ADAMTS13: variants seen among roughly 807,000 people sequenced by gnomAD.
ADAMTS13 encodes the protein ADAM metallopeptidase with thrombospondin type 1 motif 13.
ADAMTS13 carries 110 observed loss-of-function variants against 155.1 expected under a neutral mutation model. The ratio of observed to expected loss-of-function variants is 0.71; its 90% CI spans 0.61 to 0.83. The LOEUF (loss-of-function observed/expected upper bound fraction) is 0.83. Among genes scored for constraint, ADAMTS13 ranks in the 40% least tolerant of loss-of-function variants. ADAMTS13 has a pLI of 0.00. For missense variants in ADAMTS13, 1,707 were observed against 1,891.7 expected (o/e 0.90, Z 1.81); for synonymous variants, 758 against 756.4 (o/e 1.00, Z -0.03).
chr9:133,414,483 G>T, exon 1 of ADAMTS13: 1 of 714,482 alleles, frequency 1.4e-6, no homozygotes, highest in Non-Finnish European at 2.5e-6. Context: ...GAAGAAGCAG[G>T]CCCTGCCTTA....
rs1842013270 is a variant in ADAMTS13 at position 133,445,697 on chromosome 9, A to G, written c.2611-2A>G. The G allele has an allele frequency of 6.2e-7, 1 of 1,612,854 alleles. No homozygotes were observed. Among genetic ancestry groups the G allele is most frequent in the African/African-American group, 1.3e-5 (1 of 74,914 alleles). On this transcript the variant is annotated splice_acceptor_variant, in intron 20 of 28. Transcript: ENST00000355699. LOFTEE classifies it high-confidence loss of function. This position sits in a 1 kb window ranked among gnomAD's most constrained non-coding sequence, Gnocchi z 5.0. ...CCACCAGCTTGTTGCTATTCCCCACAGCTGGATGCCACCTCTGCAGGGGAG... is the reference window on the plus strand; with the variant it reads ...CCACCAGCTTGTTGCTATTCCCCACGGCTGGATGCCACCTCTGCAGGGGAG...
At position 133,429,860 on chromosome 9, in the gene ADAMTS13, T is replaced by G. The variant is rs1554786583; in HGVS notation, c.825-79T>G. 2.0e-6 allele frequency: 3 copies of G among 1,517,088 alleles called. No individual in the cohort carries two copies. The South Asian group carries it at 3.6e-5, about 18-fold the overall frequency. 94.0% of individuals were successfully genotyped at this position (1,517,088 alleles called of 1,614,324 possible). The stretch of plus-strand genomic sequence containing the variant: ...GCCACGCTTCCAAACGCTTCCATCC[T>G]CGTGCCCACTCCTCCGTCCCGCCTC... On this transcript the variant is annotated intron_variant, in intron 7 of 28. Coordinates refer to ENST00000355699, the MANE Select transcript of ADAMTS13 (RefSeq NM_139027.6).
chr9:133,424,466 C>A lies in ADAMTS13; in HGVS notation c.318C>A (p.Thr106=). 1.2e-6 allele frequency: 2 copies of A among 1,613,686 alleles called. No homozygotes were observed. The highest frequency in any genetic ancestry group is 1.7e-6 in the Non-Finnish European group (2 of 1,179,822). The change falls in exon 3 of 29, where the codon ACC becomes ACA. Residue 106 remains threonine, a synonymous_variant. Transcript: ENST00000355699. This position sits in a 1 kb window ranked among gnomAD's most constrained non-coding sequence, Gnocchi z 4.3. ...HQEDTERYVL[T]NLNIGAELLR... ...AGGACACAGAGCGCTATGTGCTCAC[C>A]AACCTCAACATCGTGAGTGCCCCAC...
chr9:133,436,228 G>C (rs1460961927), intron 11 of ADAMTS13, among the ~76,000 whole-genome samples: 1 of 151,964 alleles, frequency 6.6e-6, no homozygotes, highest in East Asian at 1.9e-4. Context: ...GTGTGGGTTT[G>C]TCCCTGGCTG....
chr9:133,439,007 A>AT (rs1841465205), intron 14 of ADAMTS13, among the ~76,000 whole-genome samples: 1 of 152,106 alleles, frequency 6.6e-6, no homozygotes, highest in African/African-American at 2.4e-5. Flanking sequence ...ACACAAGTGA[A>AT]TGAGAGGGTT....
rs1588152942 is a variant in ADAMTS13 at position 133,425,679 on chromosome 9, C to T, written c.414+67C>T. 2.0e-6 allele frequency: 3 copies of T among 1,527,000 alleles called. No individual in the cohort carries two copies. The East Asian group carries it at 7.1e-5, about 36-fold the overall frequency. 94.6% of individuals were successfully genotyped at this position (1,527,000 alleles called of 1,614,324 possible). Reference sequence around the variant, plus strand: ...AAGCCCAAGTCATCGCATCTCCATCCTCTTTAACCTCTTGTCCCGGATGCC... The same window carrying T: ...AAGCCCAAGTCATCGCATCTCCATCTTCTTTAACCTCTTGTCCCGGATGCC... On this transcript the variant is annotated intron_variant, in intron 4 of 28. Transcript: ENST00000355699. This position sits in a 1 kb window ranked among gnomAD's most constrained non-coding sequence, Gnocchi z 4.6.
chr9:133,444,912 C>G lies in ADAMTS13; in HGVS notation c.2470C>G (p.Leu824Val), dbSNP rs1554792014. The G allele has an allele frequency of 6.2e-7, 1 of 1,613,386 alleles. No individual in the cohort carries two copies. The highest frequency in any genetic ancestry group is 1.7e-5 in the Admixed American group (1 of 60,018). The change falls in exon 20 of 29, where the codon CTG (leucine) becomes GTG (valine). Residue 824 changes from leucine (L) to valine (V), a missense_variant. Physicochemically the swap from Leu to Val is conservative, Grantham distance 32. Coordinates refer to ENST00000355699, the MANE Select transcript of ADAMTS13 (RefSeq NM_139027.6). Reference sequence around the variant, plus strand: ...ATGCACATCAGCTGGTGGAGCAGGCCTGGCCTTGGAGAACGAGACCTGTGT... The same window carrying G: ...ATGCACATCAGCTGGTGGAGCAGGCGTGGCCTTGGAGAACGAGACCTGTGT... ...SSCTSAGGAG[L>V]ALENETCVPG... is the part of the protein sequence containing the mutation.
intron 15 of ADAMTS13, 38 bp downstream of exon 15, chr9:133,439,484 C>A: frequency 6.4e-7 from 1 of 1,551,140 alleles, no homozygotes; most frequent in Non-Finnish European, 8.9e-7. Context: ...GTTAGCTAGA[C>A]TGCAAAGGTG....
chr9:133,458,981 A>T lies in ADAMTS13; in HGVS notation c.3917A>T (p.Asp1306Val). 3 of 1,613,032 alleles carry T rather than the reference A, an allele frequency of 1.9e-6. No homozygotes were observed. The highest frequency in any genetic ancestry group is 2.5e-6 in the Non-Finnish European group (3 of 1,179,918). ...CTGCCCCTTTTCTCTCAGATCCGGG[A>T]CACCCACAGCTTGAGGACCACAGCG... The part of the protein sequence containing the change: ...GANASYILIR[D>V]THSLRTTAFH... The change falls in exon 29 of 29, where the codon GAC becomes GTC. Residue 1306 changes from aspartate (D) to valine (V), a missense_variant. This residue lies in a region of ADAMTS13 where 961 missense variants were observed against 1,107.9 expected (regional missense o/e 0.87). Coordinates refer to ENST00000355699, the MANE Select transcript of ADAMTS13 (RefSeq NM_139027.6).
Position 133,425,479 on chromosome 9 carries a change from G to A in ADAMTS13, c.331-50G>A. 2 of 1,553,810 alleles carry A rather than the reference G, an allele frequency of 1.3e-6. No individual in the cohort carries two copies. ...CCCTGGGAGTCAGCAGCTGCCTGGG[G>A]CTGGCAATGCCCACCCGACGGGTTA... On this transcript the variant is annotated intron_variant, in intron 3 of 28. Transcript: ENST00000355699. This position sits in a 1 kb window ranked among gnomAD's most constrained non-coding sequence, Gnocchi z 4.6.
upstream of ADAMTS13, among the ~76,000 whole-genome samples, chr9:133,417,308 C>T (rs1839694707): frequency 1.3e-5 from 2 of 152,238 alleles, no homozygotes; most frequent in Non-Finnish European, 2.9e-5. Context: ...TGAGGCCCCG[C>T]GCCCGGCCTG....
intron 19 of ADAMTS13, among the ~76,000 whole-genome samples, chr9:133,444,654 G>A (rs150667725): frequency 1.3e-5 from 2 of 152,294 alleles, no homozygotes; most frequent in East Asian, 3.9e-4. Context: ...TGAGCAGCGA[G>A]TGCTTGTTGA....
chr9:133,455,782 A>G, intron 25 of ADAMTS13: 12 of 914,664 alleles, frequency 1.3e-5, no homozygotes, highest in Non-Finnish European at 2.0e-5. Flanking sequence ...ACTACTATCA[A>G]GGGGAAGTAA....
At position 133,430,080 on chromosome 9, in the gene ADAMTS13, C is replaced by T. The variant is rs1564414341; in HGVS notation, c.966C>T (p.Cys322=). 1 of 1,592,346 alleles carries T rather than the reference C, an allele frequency of 6.3e-7. No homozygotes were observed. The stretch of plus-strand genomic sequence containing the variant: ...CCTTCGGCCCCAAGGCTGTCGCCTG[C>T]ACCTTCGCCAGGGAGCACCTGGTGA... ...RVAFGPKAVA[C]TFAREHLDMC... is the part of the protein sequence containing the mutation. Residue 322 remains cysteine (C), a synonymous_variant, in exon 8 of 29, where the codon TGC becomes TGT. Transcript: ENST00000355699.
intron 11 of ADAMTS13, 41 bp from the exon 12 acceptor site, chr9:133,436,788 C>CCCCCCCCCCCCCA: frequency 1.6e-6 from 1 of 618,366 alleles, no homozygotes; most frequent in Non-Finnish European, 2.8e-6. Context: ...ACCCGCCCCC[C>CCCCCCCCCCCCCA]GCCCCACCGC....
intron 1 of ADAMTS13, chr9:133,415,796 T>C (rs911219690): frequency 6.6e-6 from 1 of 152,072 alleles, no homozygotes; most frequent in Non-Finnish European, 1.5e-5. Flanking sequence ...GGAAGAAGAG[T>C]TGGTGTTCAA....
At chr9:133,426,414 G>A in intron 6 of ADAMTS13, 69 bp downstream of exon 6, 3 of 1,586,630 alleles carry the variant, frequency 1.9e-6, no homozygotes, top group Non-Finnish European at 2.6e-6. Flanking sequence ...GGTGGAGGTG[G>A]TCTTGGCAAG....
chr9:133,414,928 G>A (rs782287244), intron 1 of ADAMTS13: 36 of 1,613,816 alleles, frequency 2.2e-5, no homozygotes, highest in Non-Finnish European at 2.6e-5. Context: ...TGTTTTGCTG[G>A]ATAATTTTGG....
chr9:133,442,128 GT>G (rs1288980451), intron 16 of ADAMTS13, among the ~76,000 whole-genome samples: 4 of 152,082 alleles, frequency 2.6e-5, no homozygotes, highest in Non-Finnish European at 4.4e-5. Context: ...TGTCTTTGTT[GT>G]TTTTTTAGAG....
Sources: gnomAD v4.1 joint callset for allele counts (sites outside exome capture counted in the v4.1 genomes callset) on GRCh38, gnomAD v4.1.1 for gene constraint, gnomAD v4.1.1 regional missense constraint, Gnocchi (gnomAD v3.1) non-coding constraint, MANE v1.5 for transcripts, NCBI Gene and HGNC (gene_info 2026-07-23, HGNC 2026-07-21) for gene names.